IL6ST: variants seen among roughly 807,000 people sequenced by gnomAD.
IL6ST encodes the protein interleukin 6 cytokine family signal transducer, also known as interleukin-6 receptor subunit beta.
Under a neutral mutation model 91.3 loss-of-function variants are expected in IL6ST, and 24 were observed. The ratio of observed to expected loss-of-function variants is 0.26; its 90% CI spans 0.19 to 0.37. IL6ST has a LOEUF of 0.37. Ranked by LOEUF, IL6ST falls within the 10% of genes least tolerant of loss-of-function variation. IL6ST has a pLI of 1.00. For missense variants in IL6ST, 914 were observed against 1,078.5 expected, an observed-to-expected ratio of 0.85 and a Z score of 2.14; for synonymous variants, 351 against 373.6, an observed-to-expected ratio of 0.94 and a Z score of 0.70.
intron 14 of IL6ST, among the ~76,000 whole-genome samples, chr5:55,950,816 T>C (rs900804413): frequency 1.3e-5 from 2 of 151,262 alleles, no homozygotes; most frequent in African/African-American, 4.9e-5. Flanking sequence ...ATTAGCTGGA[T>C]GTGGTGGCAC....
chr5:55,976,102 C>T, intron 3 of IL6ST, 113 bp downstream of exon 3: 1 of 454,708 alleles, frequency 2.2e-6, no homozygotes, highest in East Asian at 4.0e-5. Flanking sequence ...CTCGATTATC[C>T]TAGAAAGAAT....
At position 55,952,361 on chromosome 5, in the gene IL6ST, G is replaced by A; in HGVS notation, c.1451-10C>T. On this transcript the variant is annotated splice_polypyrimidine_tract_variant and intron_variant, in intron 11 of 16. Transcript: ENST00000381298. ...CTCTCTGCTAAGTTCCCTAAAGCAA[G>A]AATAGCAGATTAAGCATGTTTTTCC... The A allele has an allele frequency of 6.9e-7, 1 of 1,441,388 alleles. No individual in the cohort carries two copies. Among genetic ancestry groups the A allele is most frequent in the Non-Finnish European group, 9.7e-7 (1 of 1,035,380 alleles). 89.3% of individuals were successfully genotyped at this position (1,441,388 alleles called of 1,614,324 possible). A position where few individuals can be genotyped will look rare whatever the true frequency, so the allele number is the denominator to read the frequency against.
intron 14 of IL6ST, among the ~76,000 whole-genome samples, chr5:55,950,394 A>T (rs1751552703): frequency 6.6e-6 from 1 of 151,696 alleles, no homozygotes; most frequent in South Asian, 2.1e-4. Flanking sequence ...AAAATTAGCC[A>T]GGCATGGTAG....
At chr5:55,960,883 G>A (rs1053109599) in intron 7 of IL6ST, among the ~76,000 whole-genome samples, 2 of 151,934 alleles carry the variant, frequency 1.3e-5, no homozygotes, top group African/African-American at 2.4e-5. Flanking sequence ...CACTTGCCTC[G>A]GCCTCCCAAA....
chr5:55,992,499 T>A (rs1358932172), intron 1 of IL6ST, among the ~76,000 whole-genome samples: 2 of 152,190 alleles, frequency 1.3e-5, no homozygotes, highest in African/African-American at 4.8e-5. Context: ...TTAGACCTAC[T>A]TCATAATATT....
At chr5:55,961,476 G>A (rs538470033) in intron 7 of IL6ST, among the ~76,000 whole-genome samples, 12 of 152,226 alleles carry the variant, frequency 7.9e-5, no homozygotes, top group East Asian at 3.9e-4. Context: ...AAAGACAGCC[G>A]GCTGGGTGCG....
At chr5:55,965,925 T>C (rs1170616311) in intron 5 of IL6ST, among the ~76,000 whole-genome samples, 1 of 152,054 alleles carries the variant, frequency 6.6e-6, no homozygotes, top group Non-Finnish European at 1.5e-5. Flanking sequence ...TAAATATAAA[T>C]TTATAATGAG....
chr5:55,943,142 T>C (rs1302375670), intron 15 of IL6ST, among the ~76,000 whole-genome samples: 1 of 151,908 alleles, frequency 6.6e-6, no homozygotes, highest in African/African-American at 2.4e-5. Context: ...AATATAAAAA[T>C]CAAATTTAAA....
rs559877830 is a variant in IL6ST, at chr5:55,940,826, A to C, written c.*256T>G. The C allele has an allele frequency of 2.7e-5, 11 of 409,532 alleles. No individual in the cohort carries two copies. The South Asian group carries it at 5.5e-4, about 20-fold the overall frequency. The allele number at this position is 409,532 out of a possible 1,614,324, so 25.4% of individuals were successfully genotyped here. A position where few individuals can be genotyped will look rare whatever the true frequency, so the allele number is the denominator to read the frequency against. On this transcript the variant is annotated 3_prime_UTR_variant, in exon 17 of 17. Transcript: ENST00000381298. ...TCAGATAAGCTTTCTGTTTTTCTTC[A>C]GTGCAAACATCCTGAAACAGCACAA...
rs113626702 is a variant in IL6ST, at chr5:55,939,735, T to G, written c.*1347A>C. 499 of 207,810 alleles carry G rather than the reference T, an allele frequency of 2.4e-3. No individual in the cohort carries two copies. Among genetic ancestry groups the G allele is most frequent in the Middle Eastern group, 4.7e-3 (3 of 642 alleles). The allele number at this position is 207,810 out of a possible 1,614,324, so 12.9% of individuals were successfully genotyped here. On this transcript the variant is annotated 3_prime_UTR_variant, in exon 17 of 17. Transcript: ENST00000381298. ...TGGTTAGGGGACAGCATAAGTACAC[T>G]AGCGGCTTTAGCACTAAACTCGAGG... is the stretch of plus-strand genomic sequence containing the variant.
At chr5:55,975,583 A>T (rs551081779) in intron 3 of IL6ST, among the ~76,000 whole-genome samples, 154 of 152,178 alleles carry the variant, frequency 1.0e-3, no homozygotes, top group Admixed American at 2.2e-3. Flanking sequence ...TTTGTTGCCC[A>T]GACTGAATTC....
chr5:55,964,334 A>C, intron 5 of IL6ST, 22 bp from the exon 6 acceptor site: 1 of 1,573,960 alleles, frequency 6.4e-7, no homozygotes, highest in Non-Finnish European at 8.7e-7. Context: ...AAATTGAAGA[A>C]TCAGTCATTA....
At chr5:55,970,987 A>C (rs1184862589) in intron 3 of IL6ST, among the ~76,000 whole-genome samples, 1 of 152,148 alleles carries the variant, frequency 6.6e-6, no homozygotes, top group Non-Finnish European at 1.5e-5. Context: ...TACATGCTTT[A>C]CCTATCACCT....
At chr5:55,970,772 T>C (rs1752915543) in intron 3 of IL6ST, among the ~76,000 whole-genome samples, 1 of 152,108 alleles carries the variant, frequency 6.6e-6, no homozygotes, top group South Asian at 2.1e-4. Context: ...CTGGGTGTCA[T>C]GGTGGGCACC....
chr5:55,987,673 T>C lies in IL6ST; in HGVS notation c.-103-4862A>G, dbSNP rs1580870389. ...CTTTTACTTCCTTTATCTGTAAACA[T>C]GGGGTACCACCACCACCTACCCATC... On this transcript the variant is annotated intron_variant, in intron 1 of 16. Coordinates refer to ENST00000381298, the MANE Select transcript of IL6ST (RefSeq NM_002184.4). Among the ~76,000 whole-genome samples the C allele has an allele frequency of 2.0e-5, 3 of 152,174 alleles. No homozygotes were observed. The East Asian group carries it at 5.8e-4, about 29-fold the overall frequency.
intron 9 of IL6ST, 26 bp downstream of exon 9, chr5:55,957,183 G>A (rs750619352): frequency 4.3e-5 from 48 of 1,120,166 alleles, no homozygotes; most frequent in Non-Finnish European, 6.5e-6. Flanking sequence ...ATTTATAAGA[G>A]ATAAAATATA....
chr5:55,945,676 T>C (rs10068062), intron 15 of IL6ST, among the ~76,000 whole-genome samples: 5,396 of 133,906 alleles, frequency 0.04, 451 homozygotes, highest in African/African-American at 0.15. Flanking sequence ...TTTTTTTTTT[T>C]CAGACACTCT....
At chr5:55,963,539 T>A in intron 6 of IL6ST, 33 bp from the exon 7 acceptor site, 1 of 1,530,290 alleles carries the variant, frequency 6.5e-7, no homozygotes, top group Non-Finnish European at 8.9e-7. Flanking sequence ...AGGTTTATTA[T>A]GTTTTCCAAT....
intron 10 of IL6ST, among the ~76,000 whole-genome samples, chr5:55,955,450 GA>G (rs940863521): frequency 4.7e-4 from 69 of 146,560 alleles, no homozygotes; most frequent in African/African-American, 1.4e-3. Context: ...GTCTCAAAAA[GA>G]AAAAAAAAAA....
Sources: gnomAD v4.1 joint callset for allele counts (sites outside exome capture counted in the v4.1 genomes callset) on GRCh38, gnomAD v4.1.1 for gene constraint, MANE v1.5 for transcripts, NCBI Gene and HGNC (gene_info 2026-07-23, HGNC 2026-07-21) for gene names.